Variants in ANO2 observed in about 807,000 individuals in gnomAD.
ANO2 encodes the protein anoctamin-2.
In ANO2, 101 loss-of-function variants were observed where a neutral mutation model predicts 124.2. That is an observed-to-expected ratio of 0.81 (90% CI 0.69 to 0.96). The LOEUF is 0.96. ANO2 is among the 40% of genes least tolerant of loss of function. The pLI is 0.00. For synonymous variants in ANO2, 486 were observed against 482.5 expected (o/e 1.01, Z -0.09); for missense variants, 1,293 against 1,274.5 (o/e 1.01, Z -0.22).
At chr12:5,729,934 G>C (rs1040740860) in intron 14 of ANO2, among the ~76,000 whole-genome samples, 8 of 152,198 alleles carry the variant, frequency 5.3e-5, no homozygotes, top group Non-Finnish European at 4.4e-5. Context: ...CCATTTACGT[G>C]AAAGTCCAGA....
At chr12:5,853,994 T>G (rs1321667086) in intron 4 of ANO2, 49 bp downstream of exon 4, 2 of 1,501,610 alleles carry the variant, frequency 1.3e-6, no homozygotes, top group East Asian at 2.4e-5. Flanking sequence ...ATTATTTGCA[T>G]CCATCCAGCC....
intron 3 of ANO2, among the ~76,000 whole-genome samples, chr12:5,873,243 CT>C (rs1937850862): frequency 6.0e-5 from 8 of 132,764 alleles, no homozygotes; most frequent in African/African-American, 1.9e-4. Flanking sequence ...CTCTCTCTCT[CT>C]CTGTCTGTCT....
rs1207735341 is a variant in ANO2 at position 5,636,867 on chromosome 12, G to GCTCTTTATC, written c.1621-1529_1621-1521dup. On this transcript the variant is annotated intron_variant, in intron 15 of 24. Transcript: ENST00000682330. This position sits in a 1 kb window ranked among gnomAD's most constrained non-coding sequence, Gnocchi z 4.6. ...CTGGGGTGTGCTGGTGGCAGACTCA[G>GCTCTTTATC]CTCTTTATCCTGGTAGGCTTCAAAA... Among the ~76,000 whole-genome samples the GCTCTTTATC allele has an allele frequency of 6.6e-6, 1 of 152,080 alleles. No individual in the cohort carries two copies. Among genetic ancestry groups the GCTCTTTATC allele is most frequent in the African/African-American group, 2.4e-5 (1 of 41,376 alleles).
intron 20 of ANO2, among the ~76,000 whole-genome samples, chr12:5,588,418 T>A (rs1427396299): frequency 1.3e-5 from 2 of 152,168 alleles, no homozygotes; most frequent in African/African-American, 4.8e-5. Flanking sequence ...ACGTCTCCCG[T>A]GGAATGGTCT....
At chr12:5,863,214 GAA>G (rs1312799154) in intron 3 of ANO2, among the ~76,000 whole-genome samples, 1 of 152,130 alleles carries the variant, frequency 6.6e-6, no homozygotes, top group Admixed American at 6.6e-5. Context: ...AAGGGTGAGA[GAA>G]CCTCTTCCCC....
chr12:5,687,979 A>C (rs751729950), intron 14 of ANO2, among the ~76,000 whole-genome samples: 7 of 152,220 alleles, frequency 4.6e-5, no homozygotes, highest in Non-Finnish European at 8.8e-5. Context: ...GGTATATATT[A>C]TAAGGACTGC....
intron 14 of ANO2, among the ~76,000 whole-genome samples, chr12:5,672,039 C>T (rs538343917): frequency 7.9e-5 from 12 of 152,260 alleles, no homozygotes; most frequent in African/African-American, 2.6e-4. Context: ...CCTAGGTTCT[C>T]GCTGAGGACT....
In ANO2 at chr12:5,750,835, C is replaced by G. The variant is rs368748473; in HGVS notation, c.1190+1G>C. On this transcript the variant is annotated splice_donor_variant, in intron 11 of 24. Coordinates refer to ENST00000682330, the MANE Select transcript of ANO2 (RefSeq NM_001364791.2). LOFTEE classifies it high-confidence loss of function. ...AGCCCTTTTCTTTAAAACTGATTTA[C>G]CTGGGAATATCTTCTTCAATTGTTG... 3.5e-5 allele frequency: 57 copies of G among 1,608,292 alleles called. No individual in the cohort carries two copies. Among genetic ancestry groups the G allele is most frequent in the Admixed American group, 6.8e-5 (4 of 58,948 alleles).
chr12:5,694,638 T>G (rs1307658090), intron 14 of ANO2, among the ~76,000 whole-genome samples: 1 of 152,254 alleles, frequency 6.6e-6, no homozygotes, highest in Non-Finnish European at 1.5e-5. Context: ...AATCTGGCTA[T>G]TCATCAGAAT....
intron 14 of ANO2, among the ~76,000 whole-genome samples, chr12:5,726,136 GA>G (rs552076169): frequency 0.011 from 1,506 of 138,120 alleles, 28 homozygotes; most frequent in African/African-American, 0.032. Flanking sequence ...ACTGATTTAG[GA>G]AAAAAAAAAA....
At chr12:5,698,603 T>A (rs1949283482) in intron 14 of ANO2, among the ~76,000 whole-genome samples, 1 of 152,216 alleles carries the variant, frequency 6.6e-6, no homozygotes, top group Admixed American at 6.5e-5. Flanking sequence ...GGAGAATGAC[T>A]TTGACGAGTT....
chr12:5,916,020 TA>T (rs78670229), intron 3 of ANO2, among the ~76,000 whole-genome samples: 23,052 of 152,134 alleles, frequency 0.15, 1,977 homozygotes, highest in Middle Eastern at 0.2. Flanking sequence ...ATCACCCCTC[TA>T]ATCCCAGCAC....
intron 10 of ANO2, among the ~76,000 whole-genome samples, chr12:5,759,192 C>T (rs1298988431): frequency 6.7e-6 from 1 of 149,044 alleles, no homozygotes; most frequent in Non-Finnish European, 1.5e-5. Flanking sequence ...CAACAATGTT[C>T]AGAGAACCCA....
chr12:5,789,578 A>G (rs1952639325), intron 10 of ANO2, among the ~76,000 whole-genome samples: 1 of 152,238 alleles, frequency 6.6e-6, no homozygotes, highest in Non-Finnish European at 1.5e-5. Context: ...TGCCAGAGGC[A>G]GGCAGTAATT....
chr12:5,578,074 C>T (rs1942521252), intron 21 of ANO2, 67 bp from the exon 22 acceptor site: 1 of 1,544,832 alleles, frequency 6.5e-7, no homozygotes, highest in East Asian at 2.2e-5. Context: ...AACGCTGAAG[C>T]TCCAGGTGAT....
intron 1 of ANO2, among the ~76,000 whole-genome samples, chr12:5,927,325 C>A (rs1942126519): frequency 6.6e-6 from 1 of 152,194 alleles, no homozygotes; most frequent in Non-Finnish European, 1.5e-5. Flanking sequence ...TTGGAGCCAA[C>A]CTCACCACTC....
chr12:5,719,129 G>A lies in ANO2; in HGVS notation c.1545+13391C>T, dbSNP rs908899417. On this transcript the variant is annotated intron_variant, in intron 14 of 24. Coordinates refer to ENST00000682330, the MANE Select transcript of ANO2 (RefSeq NM_001364791.2). ...TTAGGACTTAGGAGACCCTGATACC[G>A]TTAGTGTCTGCTCCAAATTCCCTAA... Among the ~76,000 whole-genome samples, 72 of 152,280 alleles carry A rather than the reference G, an allele frequency of 4.7e-4. 1 individual carries two copies. The highest frequency in any genetic ancestry group is 3.1e-4 in the Non-Finnish European group (21 of 68,030).
rs10526567 is a variant in ANO2, at chr12:5,826,437, C to CAT, written c.892+1330_892+1331dup. ...TCGGTGGGCTAATGCTTAATAAACT[C>CAT]ATATATATATATATATATATATATA... On this transcript the variant is annotated intron_variant, in intron 7 of 24. Transcript: ENST00000682330. Among the ~76,000 whole-genome samples the CAT allele has an allele frequency of 9.0e-3, 1,298 of 143,604 alleles. 16 individuals carry two copies. The highest frequency in any genetic ancestry group is 0.025 in the African/African-American group (895 of 35,986). The allele number at this position is 143,604 out of a possible 152,430, so 94.2% of individuals were successfully genotyped here.
At chr12:5,820,435 G>T (rs144782039) in intron 7 of ANO2, among the ~76,000 whole-genome samples, 1 of 152,276 alleles carries the variant, frequency 6.6e-6, no homozygotes, top group Non-Finnish European at 1.5e-5. Flanking sequence ...TTCAGGTCAG[G>T]TCTGACTTAC....
Sources: gnomAD v4.1 joint callset for allele counts (sites outside exome capture counted in the v4.1 genomes callset) on GRCh38, gnomAD v4.1.1 for gene constraint, Gnocchi (gnomAD v3.1) non-coding constraint, MANE v1.5 for transcripts, NCBI Gene and HGNC (gene_info 2026-07-23, HGNC 2026-07-21) for gene names.